DCDC1: variants seen among roughly 807,000 people sequenced by gnomAD.
DCDC1 encodes the protein doublecortin domain-containing protein 1.
A neutral mutation model predicts 178.3 loss-of-function variants in DCDC1; 200 were observed. That is an observed-to-expected ratio of 1.12 (90% CI 1.00 to 1.26). DCDC1 has a LOEUF of 1.26. DCDC1 is among the 50% of genes most tolerant of loss of function. The pLI, the probability that DCDC1 is intolerant of heterozygous loss-of-function variation, is 0.00. For synonymous variants in DCDC1, 690 were observed against 604.8 expected (o/e 1.14, Z -2.07); for missense variants, 1,983 against 1,749.2 (o/e 1.13, Z -2.38).
intron 17 of DCDC1, among the ~76,000 whole-genome samples, chr11:31,081,975 A>G (rs972964407): frequency 7.2e-5 from 11 of 152,232 alleles, no homozygotes; most frequent in Admixed American, 3.3e-4. Flanking sequence ...AAGACATTTC[A>G]TATGCAGAAA....
chr11:30,902,857 G>A (rs1032484100), intron 32 of DCDC1, among the ~76,000 whole-genome samples: 13 of 152,124 alleles, frequency 8.5e-5, no homozygotes, highest in African/African-American at 2.2e-4. Context: ...GCAGACTGTC[G>A]TTTGGGACAC....
Position 31,071,604 on chromosome 11 carries a change from T to G in DCDC1, c.2298+6261A>C, listed in dbSNP as rs116700131. 2.1e-3 allele frequency among the ~76,000 whole-genome samples: 324 copies of G among 152,268 alleles called. 1 individual carries two copies. Among genetic ancestry groups the G allele is most frequent in the African/African-American group, 6.8e-3 (282 of 41,544 alleles). Reference sequence around the variant, plus strand: ...TACTGCATTTTTGTCGTTGTTATATTTGTGGTCTTTGCTTCTGTAATGGGT... The same window carrying G: ...TACTGCATTTTTGTCGTTGTTATATGTGTGGTCTTTGCTTCTGTAATGGGT... On this transcript the variant is annotated intron_variant, in intron 18 of 38. Coordinates refer to ENST00000684477, the MANE Select transcript of DCDC1 (RefSeq NM_001387274.1).
intron 8 of DCDC1, among the ~76,000 whole-genome samples, chr11:31,243,923 T>A (rs919184223): frequency 2.0e-5 from 3 of 151,758 alleles, no homozygotes; most frequent in African/African-American, 4.8e-5. Flanking sequence ...AGAGCACTAA[T>A]AAAGGTTAGC....
intron 18 of DCDC1, among the ~76,000 whole-genome samples, chr11:31,070,793 G>A (rs1434268315): frequency 6.6e-6 from 1 of 152,044 alleles, no homozygotes; most frequent in East Asian, 1.9e-4. Flanking sequence ...TCACTCCCAA[G>A]GGGTTCCCTT....
intron 11 of DCDC1, among the ~76,000 whole-genome samples, chr11:31,113,785 T>TA (rs536910238): frequency 5.9e-5 from 9 of 151,676 alleles, no homozygotes; most frequent in East Asian, 1.9e-4. Context: ...GCATGGTTAA[T>TA]AAAAAAAAAT....
At chr11:31,262,894 T>C in intron 8 of DCDC1, 2 of 587,378 alleles carry the variant, frequency 3.4e-6, no homozygotes, top group Non-Finnish European at 5.6e-6. Context: ...TGCTTCCACA[T>C]GTTAGTGGTT....
chr11:30,919,362 C>G (rs1003021744), intron 25 of DCDC1, among the ~76,000 whole-genome samples: 4 of 152,128 alleles, frequency 2.6e-5, no homozygotes, highest in Non-Finnish European at 5.9e-5. Context: ...GCAAAAGAGC[C>G]TGCTTGGAAT....
chr11:31,331,897 A>G (rs1288334430), intron 2 of DCDC1, among the ~76,000 whole-genome samples: 1 of 152,204 alleles, frequency 6.6e-6, no homozygotes, highest in Non-Finnish European at 1.5e-5. Context: ...GCCTCATAAA[A>G]TGAGTTAGGG....
intron 8 of DCDC1, among the ~76,000 whole-genome samples, chr11:31,263,647 A>G (rs1363671647): frequency 6.6e-6 from 1 of 152,256 alleles, no homozygotes; most frequent in East Asian, 1.9e-4. Context: ...GTTAGAAACA[A>G]TAAGTATCAA....
At chr11:30,886,332 A>G (rs1226699366) in intron 36 of DCDC1, among the ~76,000 whole-genome samples, 1 of 152,202 alleles carries the variant, frequency 6.6e-6, no homozygotes, top group Non-Finnish European at 1.5e-5. Flanking sequence ...AAGAGATTGC[A>G]GTAGATTCAT....
intron 11 of DCDC1, among the ~76,000 whole-genome samples, chr11:31,123,251 A>T (rs565515534): frequency 1.1e-4 from 16 of 152,118 alleles, no homozygotes; most frequent in Non-Finnish European, 2.4e-4. Flanking sequence ...AAATAAACTT[A>T]GGAAGAAATG....
At position 31,340,219 on chromosome 11, in the gene DCDC1, C is replaced by A. The variant is rs149522612; in HGVS notation, c.-124-4655G>T. On this transcript the variant is annotated intron_variant, in intron 1 of 38. Transcript: ENST00000684477. ...CTTTAAGTTAAATTGCTGGATTTCC[C>A]AGGATATAAAAAAAAATTAGCAAGA... Among the ~76,000 whole-genome samples the A allele has an allele frequency of 3.9e-3, 539 of 139,678 alleles. 4 individuals are homozygous for A. The highest frequency in any genetic ancestry group is 0.014 in the African/African-American group (514 of 37,228). 91.6% of individuals were successfully genotyped at this position (139,678 alleles called of 152,430 possible). A position where few individuals can be genotyped will look rare whatever the true frequency, so the allele number is the denominator to read the frequency against.
intron 10 of DCDC1, among the ~76,000 whole-genome samples, chr11:31,128,585 C>A (rs1053504728): frequency 2.0e-5 from 3 of 152,074 alleles, no homozygotes; most frequent in Non-Finnish European, 1.5e-5. Context: ...TCAAATTAAA[C>A]AAATTAGACC....
At chr11:31,326,514 TTG>T (rs1462473301) in intron 3 of DCDC1, among the ~76,000 whole-genome samples, 1 of 152,196 alleles carries the variant, frequency 6.6e-6, no homozygotes, top group Admixed American at 6.5e-5. Context: ...GAATTGGCAT[TTG>T]TATAAAGGAA....
intron 20 of DCDC1, among the ~76,000 whole-genome samples, chr11:30,995,305 A>G (rs1590698044): frequency 6.6e-6 from 1 of 152,298 alleles, no homozygotes; most frequent in East Asian, 1.9e-4. Context: ...GGAAAACTTA[A>G]TATCATTAAG....
chr11:31,306,946 G>C (rs1354445638), intron 4 of DCDC1, among the ~76,000 whole-genome samples: 1 of 152,040 alleles, frequency 6.6e-6, no homozygotes, highest in Non-Finnish European at 1.5e-5. Flanking sequence ...AGATTTCTAA[G>C]TTTTGTCTTC....
chr11:31,272,101 G>T (rs1420759063), intron 7 of DCDC1, among the ~76,000 whole-genome samples: 1 of 151,318 alleles, frequency 6.6e-6, no homozygotes, highest in African/African-American at 2.4e-5. Context: ...GGCGGAGGCT[G>T]CAGTGAGCCG....
intron 1 of DCDC1, among the ~76,000 whole-genome samples, chr11:31,351,441 A>T (rs1341558670): frequency 1.3e-5 from 2 of 152,136 alleles, no homozygotes; most frequent in Non-Finnish European, 2.9e-5. Context: ...CATATGTTAT[A>T]GGTAAAAGAT....
At chr11:31,338,636 G>A (rs1950388337) in intron 1 of DCDC1, among the ~76,000 whole-genome samples, 1 of 152,172 alleles carries the variant, frequency 6.6e-6, no homozygotes, top group South Asian at 2.1e-4. Context: ...TCAGCAGAAT[G>A]TAAGCAGAAG....
Sources: allele counts gnomAD v4.1 joint callset (sites outside exome capture counted in the v4.1 genomes callset), GRCh38; gene constraint gnomAD v4.1.1; transcripts MANE v1.5; gene names NCBI Gene and HGNC (gene_info 2026-07-23, HGNC 2026-07-21).